The following ADCY9 variants were observed in gnomAD, a reference collection of about 807,000 sequenced individuals.
ADCY9 encodes adenylate cyclase 9, also known as adenylate cyclase type 9.
A neutral mutation model predicts 101.5 loss-of-function variants in ADCY9; 50 were observed. The ratio of observed to expected loss-of-function variants is 0.49; its 90% CI spans 0.39 to 0.62. ADCY9 has a LOEUF of 0.62. ADCY9 is among the 20% of genes least tolerant of loss of function. ADCY9 has a pLI of 0.00. For synonymous variants in ADCY9, 905 were observed against 769.3 expected (o/e 1.18, Z -2.92); for missense variants, 1,662 against 1,800.4 (o/e 0.92, Z 1.39).
chr16:4,078,758 A>C (rs937436037), intron 2 of ADCY9, among the ~76,000 whole-genome samples: 8 of 152,278 alleles, frequency 5.3e-5, no homozygotes, highest in African/African-American at 1.9e-4. Flanking sequence ...TGAAAGACAA[A>C]TTAGAAAATG....
chr16:4,112,292 T>C (rs2057118758), intron 2 of ADCY9, among the ~76,000 whole-genome samples: 1 of 152,200 alleles, frequency 6.6e-6, no homozygotes, highest in South Asian at 2.1e-4. Context: ...GTTAACATAG[T>C]CCTTAAAGTG....
intron 2 of ADCY9, among the ~76,000 whole-genome samples, chr16:4,023,991 G>C (rs890045896): frequency 6.6e-6 from 1 of 152,002 alleles, no homozygotes; most frequent in Middle Eastern, 3.2e-3. Context: ...CACACAGTTC[G>C]ATTCTTTCTT....
At chr16:3,955,531 C>G (rs752062330) in intron 5 of ADCY9, among the ~76,000 whole-genome samples, 4 of 151,488 alleles carry the variant, frequency 2.6e-5, no homozygotes, top group Non-Finnish European at 5.9e-5. Context: ...GGATGTCCTT[C>G]ATTTAGGTTT....
At position 3,989,110 on chromosome 16, in the gene ADCY9, C is replaced by A. The variant is rs772608903; in HGVS notation, c.2208-14G>T. 1.9e-6 allele frequency: 3 copies of A among 1,579,772 alleles called. No individual in the cohort carries two copies. The highest frequency in any genetic ancestry group is 2.6e-6 in the Non-Finnish European group (3 of 1,148,876). ...TCTTTCATCAGGCTAGAAGACACAA[C>A]AAATGCAGTCGATCAATACCCAGCA... On this transcript the variant is annotated splice_polypyrimidine_tract_variant and intron_variant, in intron 5 of 10. Coordinates refer to ENST00000294016, the MANE Select transcript of ADCY9 (RefSeq NM_001116.4).
At chr16:4,049,387 C>T (rs1323213246) in intron 2 of ADCY9, among the ~76,000 whole-genome samples, 1 of 152,174 alleles carries the variant, frequency 6.6e-6, no homozygotes, top group Non-Finnish European at 1.5e-5. Context: ...GCACCCACCA[C>T]CGACACTGGC....
intron 2 of ADCY9, among the ~76,000 whole-genome samples, chr16:4,080,443 A>C (rs2532010): frequency 1.3e-5 from 2 of 151,664 alleles, no homozygotes; most frequent in East Asian, 1.9e-4. Flanking sequence ...TTTTGATAGA[A>C]ATGGGGTTTT....
intron 2 of ADCY9, among the ~76,000 whole-genome samples, chr16:4,085,885 G>A (rs372116531): frequency 1.6e-4 from 25 of 151,934 alleles, no homozygotes; most frequent in East Asian, 1.3e-3. Flanking sequence ...CCACCCATGC[G>A]TGTCCAGGGA....
intron 6 of ADCY9, among the ~76,000 whole-genome samples, chr16:3,988,049 TGGA>T (rs1212022967): frequency 1.3e-5 from 2 of 151,386 alleles, no homozygotes; most frequent in Non-Finnish European, 2.9e-5. Flanking sequence ...AAGGAGGGGC[TGGA>T]GGAGAGAGAC....
chr16:4,084,332 G>A (rs546834545), intron 2 of ADCY9, among the ~76,000 whole-genome samples: 5 of 151,766 alleles, frequency 3.3e-5, no homozygotes, highest in East Asian at 1.9e-4. Flanking sequence ...GGCTGGTCTC[G>A]AACTCCTGAC....
intron 2 of ADCY9, among the ~76,000 whole-genome samples, chr16:4,026,463 C>T (rs1307730650): frequency 6.7e-6 from 1 of 150,300 alleles, no homozygotes; most frequent in East Asian, 1.9e-4. Context: ...CCTGCAATGA[C>T]CATACACCCA....
Position 4,114,968 on chromosome 16 carries a change from A to G in ADCY9, c.475T>C (p.Phe159Leu). The change falls in exon 2 of 11, where the codon TTC (phenylalanine) becomes CTC (leucine). Residue 159 changes from phenylalanine to leucine, a missense_variant. Physicochemically the swap from Phe to Leu is conservative, Grantham distance 22. Coordinates refer to ENST00000294016, the MANE Select transcript of ADCY9 (RefSeq NM_001116.4). This position sits in a 1 kb window ranked among gnomAD's most constrained non-coding sequence, Gnocchi z 4.3. ...ALCFLLVCVG[F>L]FLFTFTKLYA... ...AGCTTGGTGAAGGTAAACAGAAAGA[A>G]GCCCACACACACCAGGAGGAAGCAC... The G allele has an allele frequency of 6.2e-7, 1 of 1,614,048 alleles. No individual in the cohort carries two copies. Among genetic ancestry groups the G allele is most frequent in the East Asian group, 2.2e-5 (1 of 44,878 alleles).
At chr16:4,023,503 G>T (rs2056492500) in intron 2 of ADCY9, among the ~76,000 whole-genome samples, 1 of 152,220 alleles carries the variant, frequency 6.6e-6, no homozygotes, top group African/African-American at 2.4e-5. Context: ...GGAAAGGACG[G>T]TCCCAGCATG....
chr16:3,999,747 C>T (rs1392577175), intron 3 of ADCY9, among the ~76,000 whole-genome samples: 2 of 152,186 alleles, frequency 1.3e-5, no homozygotes, highest in Non-Finnish European at 2.9e-5. Context: ...TGCTCCTTCC[C>T]CCATGTGGAC....
At chr16:4,045,000 A>G (rs1304900723) in intron 2 of ADCY9, among the ~76,000 whole-genome samples, 1 of 152,216 alleles carries the variant, frequency 6.6e-6, no homozygotes, top group African/African-American at 2.4e-5. Context: ...ACAAGCATGC[A>G]AGAAATATTT....
At chr16:4,009,735 G>A (rs752975137) in intron 2 of ADCY9, among the ~76,000 whole-genome samples, 11 of 152,134 alleles carry the variant, frequency 7.2e-5, no homozygotes, top group Admixed American at 4.6e-4. Context: ...CTAATTTCTC[G>A]GACCTGTCCC....
chr16:3,954,657 G>A (rs1267744788), intron 5 of ADCY9, among the ~76,000 whole-genome samples: 2 of 152,230 alleles, frequency 1.3e-5, no homozygotes, highest in Middle Eastern at 3.4e-3. Flanking sequence ...GGCCAGCATC[G>A]CACGTTGATG....
intron 3 of ADCY9, among the ~76,000 whole-genome samples, chr16:4,000,964 T>C (rs1567432020): frequency 4.4e-5 from 2 of 44,944 alleles, no homozygotes; most frequent in African/African-American, 1.2e-4. Flanking sequence ...TCCATCCCTC[T>C]CTCTACACAC....
chr16:3,977,712 C>A (rs2056105317), intron 8 of ADCY9, 82 bp from the exon 9 acceptor site: 8 of 1,493,804 alleles, frequency 5.4e-6, no homozygotes, highest in Non-Finnish European at 7.2e-6. Flanking sequence ...ACATTCGCCA[C>A]TAATCCATGT....
chr16:4,008,089 CAG>C (rs1330587098), intron 2 of ADCY9, among the ~76,000 whole-genome samples: 1 of 152,076 alleles, frequency 6.6e-6, no homozygotes, highest in East Asian at 1.9e-4. Flanking sequence ...TCCCCAGACT[CAG>C]AGCTGTTGAG....
Sources: gnomAD v4.1 joint callset for allele counts (sites outside exome capture counted in the v4.1 genomes callset) on GRCh38, gnomAD v4.1.1 for gene constraint, Gnocchi (gnomAD v3.1) non-coding constraint, MANE v1.5 for transcripts, NCBI Gene and HGNC (gene_info 2026-07-23, HGNC 2026-07-21) for gene names.